DTNA: variants seen among roughly 807,000 people sequenced by gnomAD.
The protein encoded by DTNA is dystrobrevin alpha.
Under a neutral mutation model 100.7 loss-of-function variants are expected in DTNA, and 43 were observed. The ratio of observed to expected loss-of-function variants is 0.43; its 90% CI spans 0.33 to 0.55. The LOEUF (loss-of-function observed/expected upper bound fraction) is 0.55, where lower values mean the gene tolerates loss of function less well. DTNA is among the 20% of genes least tolerant of loss of function. The pLI is 0.04. For synonymous variants in DTNA, 349 were observed against 347.9 expected (o/e 1.00, Z -0.04); for missense variants, 798 against 953.9 (o/e 0.84, Z 2.15).
chr18:34,818,419 A>G, intron 8 of DTNA, 89 bp downstream of exon 8: 1 of 1,557,456 alleles, frequency 6.4e-7, no homozygotes, highest in Non-Finnish European at 8.7e-7. Flanking sequence ...GCAGAATTAA[A>G]GGGCAAACTT....
intron 1 of DTNA, among the ~76,000 whole-genome samples, chr18:34,715,362 G>A (rs1329062532): frequency 1.3e-5 from 2 of 151,870 alleles, no homozygotes; most frequent in Non-Finnish European, 2.9e-5. Flanking sequence ...TTCACTTCAT[G>A]GTATTATTAG....
intron 21 of DTNA, 121 bp from the exon 22 acceptor site, chr18:34,884,607 C>A: frequency 9.0e-7 from 1 of 1,110,162 alleles, no homozygotes; most frequent in South Asian, 1.2e-5. Flanking sequence ...TACTCTCACT[C>A]AATAGACTCT....
chr18:34,698,791 C>G (rs534744942), intron 1 of DTNA, among the ~76,000 whole-genome samples: 1 of 152,006 alleles, frequency 6.6e-6, no homozygotes, highest in Non-Finnish European at 1.5e-5. Flanking sequence ...GTTCTTTTGC[C>G]TGCTTTTATT....
chr18:34,766,609 A>G (rs961934787), intron 3 of DTNA, among the ~76,000 whole-genome samples: 3 of 152,156 alleles, frequency 2.0e-5, no homozygotes, highest in African/African-American at 7.2e-5. Flanking sequence ...CCAACATGGC[A>G]CATGTATACA....
chr18:34,881,227 G>A lies in DTNA; in HGVS notation c.2163-842G>A, dbSNP rs188667305. ...CTTCTTGACCACTTATTTCATTTTA[G>A]GGAATAATTTAATATTTCTATTGTC... On this transcript the variant is annotated intron_variant, in intron 20 of 22. Transcript: ENST00000444659. Among the ~76,000 whole-genome samples the A allele has an allele frequency of 4.8e-3, 723 of 152,176 alleles. 17 individuals are homozygous for A. Among genetic ancestry groups the A allele is most frequent in the Admixed American group, 0.026 (397 of 15,282 alleles).
At chr18:34,846,957 G>T (rs969304675) in intron 13 of DTNA, among the ~76,000 whole-genome samples, 1 of 152,176 alleles carries the variant, frequency 6.6e-6, no homozygotes, top group East Asian at 1.9e-4. Flanking sequence ...TTAAGGAAGA[G>T]CCGTAAGTAT....
intron 10 of DTNA, chr18:34,829,070 A>G: frequency 1.2e-6 from 2 of 1,614,188 alleles, no homozygotes; most frequent in Non-Finnish European, 1.7e-6. Flanking sequence ...GGATGCGTCT[A>G]GATGGATAAC....
intron 1 of DTNA, among the ~76,000 whole-genome samples, chr18:34,584,934 A>G (rs1411767458): frequency 1.3e-5 from 2 of 152,222 alleles, no homozygotes; most frequent in Non-Finnish European, 2.9e-5. Flanking sequence ...TGGAAGCTAA[A>G]AGACAGTAAA....
intron 16 of DTNA, among the ~76,000 whole-genome samples, chr18:34,859,345 A>G (rs749699200): frequency 6.6e-6 from 1 of 152,230 alleles, no homozygotes; most frequent in East Asian, 1.9e-4. Context: ...AGTACACTCT[A>G]CAGAGTAGGA....
intron 1 of DTNA, among the ~76,000 whole-genome samples, chr18:34,637,262 C>T (rs1461087040): frequency 6.6e-6 from 1 of 152,162 alleles, no homozygotes; most frequent in Non-Finnish European, 1.5e-5. Context: ...CAGTGGCATA[C>T]TCTGCTATTT....
intron 20 of DTNA, 58 bp downstream of exon 20, chr18:34,879,777 A>G: frequency 6.2e-7 from 1 of 1,602,650 alleles, no homozygotes; most frequent in Non-Finnish European, 8.5e-7. Flanking sequence ...GTAGGAGACA[A>G]TAAGAAAGTA....
chr18:34,639,435 T>C (rs1318791527), intron 1 of DTNA, among the ~76,000 whole-genome samples: 1 of 152,152 alleles, frequency 6.6e-6, no homozygotes, highest in East Asian at 1.9e-4. Flanking sequence ...AGCTTCTATA[T>C]GAATGGACTG....
At chr18:34,861,268 G>A (rs2096621690) in intron 16 of DTNA, among the ~76,000 whole-genome samples, 1 of 151,820 alleles carries the variant, frequency 6.6e-6, no homozygotes, top group Non-Finnish European at 1.5e-5. Context: ...GGCGGATCAC[G>A]AGGTCAGGAG....
chr18:34,879,366 A>G (rs965496668), intron 19 of DTNA, among the ~76,000 whole-genome samples, 185 bp from the exon 20 acceptor site: 13 of 152,230 alleles, frequency 8.5e-5, no homozygotes, highest in Admixed American at 8.5e-4. Context: ...ATACCAAATG[A>G]TTTTATAGTA....
intron 1 of DTNA, among the ~76,000 whole-genome samples, chr18:34,689,927 TG>T (rs1220014919): frequency 1.3e-5 from 2 of 152,150 alleles, no homozygotes; most frequent in Non-Finnish European, 2.9e-5. Flanking sequence ...GAACTCCCAG[TG>T]GCTTTGTTTA....
At chr18:34,676,931 A>T (rs1381046965) in intron 1 of DTNA, among the ~76,000 whole-genome samples, 2 of 152,158 alleles carry the variant, frequency 1.3e-5, no homozygotes, top group East Asian at 3.9e-4. Context: ...AGGCTGCAGG[A>T]AGAGTATAGT....
At chr18:34,876,320 G>A (rs750804363) in intron 18 of DTNA, among the ~76,000 whole-genome samples, 26 of 152,090 alleles carry the variant, frequency 1.7e-4, no homozygotes, top group Non-Finnish European at 2.9e-4. Context: ...TTTGAATATG[G>A]GTTTTAAGGC....
At chr18:34,537,541 A>G (rs2043838602) in intron 1 of DTNA, among the ~76,000 whole-genome samples, 1 of 152,012 alleles carries the variant, frequency 6.6e-6, no homozygotes, top group East Asian at 1.9e-4. Flanking sequence ...CACATTTACA[A>G]TCCCATATTC....
chr18:34,878,495 G>A lies in DTNA; in HGVS notation c.1993+687G>A, dbSNP rs191508426. Among the ~76,000 whole-genome samples, 9 of 152,060 alleles carry A rather than the reference G, an allele frequency of 5.9e-5. No homozygotes were observed. The East Asian group carries it at 9.7e-4, about 16-fold the overall frequency. On this transcript the variant is annotated intron_variant, in intron 19 of 22. Coordinates refer to ENST00000444659, the MANE Select transcript of DTNA (RefSeq NM_001386795.1). The stretch of plus-strand genomic sequence containing the variant: ...GTATTATTTATCTTTTTTTGAGATG[G>A]GGTCTTGCCTTTTTTCCCCAGGCTG...
Sources: allele counts gnomAD v4.1 joint callset (sites outside exome capture counted in the v4.1 genomes callset), GRCh38; gene constraint gnomAD v4.1.1; transcripts MANE v1.5; gene names NCBI Gene and HGNC (gene_info 2026-07-23, HGNC 2026-07-21).